DYNLT5: variants seen among roughly 807,000 people sequenced by gnomAD.
DYNLT5 encodes dynein light chain Tctex-type 5.
DYNLT5 carries 25 observed loss-of-function variants against 19.3 expected under a neutral mutation model. The ratio of observed to expected loss-of-function variants is 1.30; its 90% CI spans 0.95 to 1.81. The LOEUF is 1.81. DYNLT5 is among the 40% of genes most tolerant of loss of function. The pLI, the probability that DYNLT5 is intolerant of heterozygous loss-of-function variation, is 0.00. For missense variants in DYNLT5, 232 were observed against 217.9 expected (o/e 1.06, Z -0.41); for synonymous variants, 82 against 68.9 (o/e 1.19, Z -0.94).
chr1:66,771,918 G>A (rs1645206439), intron 3 of DYNLT5, among the ~76,000 whole-genome samples: 1 of 152,092 alleles, frequency 6.6e-6, no homozygotes, highest in Non-Finnish European at 1.5e-5. Context: ...CATTAGAAAA[G>A]TAATTTTAGA....
intron 2 of DYNLT5, among the ~76,000 whole-genome samples, chr1:66,759,636 A>G (rs770087141): frequency 6.6e-6 from 1 of 152,172 alleles, no homozygotes; most frequent in Non-Finnish European, 1.5e-5. Flanking sequence ...AGGTGCTAAA[A>G]CTCACTTTCA....
intron 2 of DYNLT5, among the ~76,000 whole-genome samples, chr1:66,755,398 A>G (rs571524051): frequency 1.7e-4 from 26 of 152,180 alleles, no homozygotes; most frequent in Non-Finnish European, 3.1e-4. Flanking sequence ...CTTCTCTCCT[A>G]AAGATATACA....
Position 66,778,231 on chromosome 1 carries a change from G to T in DYNLT5, c.*777G>T, listed in dbSNP as rs1394432254. ...TCTGTAACACATAAAATCATTTATT[G>T]GAAAGAGACATTGCTTTTAAATATC... On this transcript the variant is annotated 3_prime_UTR_variant, in exon 5 of 5. Coordinates refer to ENST00000282670, the MANE Select transcript of DYNLT5 (RefSeq NM_152665.3). 6.6e-6 allele frequency: 1 copy of T among 152,560 alleles called. No homozygotes were observed. Among genetic ancestry groups the T allele is most frequent in the Non-Finnish European group, 1.5e-5 (1 of 68,006 alleles). 9.5% of individuals were successfully genotyped at this position (152,560 alleles called of 1,614,324 possible). A position where few individuals can be genotyped will look rare whatever the true frequency, so the allele number is the denominator to read the frequency against.
rs140344779 is a variant in DYNLT5 at position 66,754,767 on chromosome 1, C to A, written c.109C>A (p.Arg37Ser). Reference protein sequence around the residue: ...HEFWRKEIHGRIKDSMSTVSY... With the variant: ...HEFWRKEIHGSIKDSMSTVSY... ...ATTTTGGCGAAAGGAAATTCATGGGCGCATCAAAGAGTGAGTAACTGTCTA... is the reference window on the plus strand; with the variant it reads ...ATTTTGGCGAAAGGAAATTCATGGGAGCATCAAAGAGTGAGTAACTGTCTA... Residue 37 changes from arginine (R) to serine (S), a missense_variant, in exon 2 of 5, where the codon CGC (arginine) becomes AGC (serine). Transcript: ENST00000282670. The A allele has an allele frequency of 6.2e-7, 1 of 1,610,952 alleles. No homozygotes were observed. The highest frequency in any genetic ancestry group is 8.5e-7 in the Non-Finnish European group (1 of 1,178,870).
At chr1:66,767,713 C>T (rs1645171847) in intron 2 of DYNLT5, among the ~76,000 whole-genome samples, 7 of 152,146 alleles carry the variant, frequency 4.6e-5, no homozygotes, top group Admixed American at 4.6e-4. Flanking sequence ...TAAAATAAGT[C>T]TGAAGAGAGG....
At chr1:66,752,636 G>C (rs1284935076) in intron 1 of DYNLT5, 52 bp downstream of exon 1, 2 of 973,368 alleles carry the variant, frequency 2.1e-6, no homozygotes, top group African/African-American at 1.8e-5. Flanking sequence ...AAGGATAGGG[G>C]GCAAGGGATC....
chr1:66,764,920 C>G (rs895370325), intron 2 of DYNLT5, among the ~76,000 whole-genome samples: 2 of 152,162 alleles, frequency 1.3e-5, no homozygotes, highest in Admixed American at 1.3e-4. Context: ...GAGCATAACA[C>G]TCATAAAAAT....
At chr1:66,774,238 C>T (rs938877073) in intron 3 of DYNLT5, among the ~76,000 whole-genome samples, 7 of 152,052 alleles carry the variant, frequency 4.6e-5, no homozygotes, top group African/African-American at 1.7e-4. Flanking sequence ...CACATGGTAA[C>T]TTTTGCCACC....
At chr1:66,766,896 G>C (rs2094656239) in intron 2 of DYNLT5, among the ~76,000 whole-genome samples, 1 of 152,210 alleles carries the variant, frequency 6.6e-6, no homozygotes, top group South Asian at 2.1e-4. Flanking sequence ...AGAATTTCCA[G>C]GCTTCACATG....
intron 2 of DYNLT5, among the ~76,000 whole-genome samples, chr1:66,758,697 C>T (rs551296689): frequency 6.6e-6 from 1 of 152,276 alleles, no homozygotes; most frequent in South Asian, 2.1e-4. Flanking sequence ...TAGATAAGTT[C>T]ATTTTTCAGG....
chr1:66,756,293 T>C (rs977183231), intron 2 of DYNLT5, among the ~76,000 whole-genome samples: 14 of 152,150 alleles, frequency 9.2e-5, no homozygotes, highest in Admixed American at 8.5e-4. Context: ...AGCTTCCAAG[T>C]CCCCTTGCAA....
At chr1:66,752,770 G>C (rs935097369) in intron 1 of DYNLT5, among the ~76,000 whole-genome samples, 186 bp downstream of exon 1, 1 of 152,176 alleles carries the variant, frequency 6.6e-6, no homozygotes, top group Non-Finnish European at 1.5e-5. Context: ...CCAACGGTTC[G>C]TCCCCTGCCC....
At chr1:66,757,363 A>G (rs941072393) in intron 2 of DYNLT5, among the ~76,000 whole-genome samples, 2 of 152,184 alleles carry the variant, frequency 1.3e-5, no homozygotes, top group African/African-American at 4.8e-5. Context: ...ATTTATATTA[A>G]ATATTATTGT....
At chr1:66,777,026 T>G (rs187132489) in intron 4 of DYNLT5, among the ~76,000 whole-genome samples, 2 of 152,324 alleles carry the variant, frequency 1.3e-5, no homozygotes, top group Admixed American at 6.5e-5. Context: ...TCATGTATCT[T>G]AGAAAAGGTT....
intron 1 of DYNLT5, 28 bp from the exon 2 acceptor site, chr1:66,754,628 G>A: frequency 6.4e-7 from 1 of 1,573,450 alleles, no homozygotes; most frequent in Non-Finnish European, 8.6e-7. Flanking sequence ...TCTTTCTTTT[G>A]CTATTTTACA....
intron 2 of DYNLT5, chr1:66,768,669 T>C (rs940214406): frequency 2.6e-5 from 4 of 152,210 alleles, no homozygotes; most frequent in African/African-American, 9.6e-5. Context: ...CTAATTTGAG[T>C]TTTGTACCAC....
intron 2 of DYNLT5, among the ~76,000 whole-genome samples, chr1:66,768,973 A>G (rs569199545): frequency 2.3e-4 from 35 of 152,356 alleles, no homozygotes; most frequent in African/African-American, 7.9e-4. Flanking sequence ...GGATATTGTG[A>G]AAGTAAAATG....
chr1:66,772,812 A>G (rs1392544333), intron 3 of DYNLT5, among the ~76,000 whole-genome samples: 2 of 152,216 alleles, frequency 1.3e-5, no homozygotes, highest in Non-Finnish European at 2.9e-5. Context: ...TTAATAAAAT[A>G]CCATTTATAT....
chr1:66,757,861 T>G (rs1215327668), intron 2 of DYNLT5, among the ~76,000 whole-genome samples: 1 of 152,142 alleles, frequency 6.6e-6, no homozygotes, highest in African/African-American at 2.4e-5. Flanking sequence ...TGCATAAAGT[T>G]TATTAGGACA....
Sources: gnomAD v4.1 joint callset for allele counts (sites outside exome capture counted in the v4.1 genomes callset) on GRCh38, gnomAD v4.1.1 for gene constraint, MANE v1.5 for transcripts, NCBI Gene and HGNC (gene_info 2026-07-23, HGNC 2026-07-21) for gene names.